The following OPCML variants were observed in gnomAD, a reference collection of about 807,000 sequenced individuals.
OPCML encodes the protein opioid-binding protein/cell adhesion molecule.
A neutral mutation model predicts 37.8 loss-of-function variants in OPCML; 13 were observed. The observed-to-expected ratio is 0.34, with a 90% CI of 0.22 to 0.55. The LOEUF is 0.55. Among genes scored for constraint, OPCML ranks in the 20% least tolerant of loss-of-function variants. OPCML has a pLI of 0.91. For synonymous variants in OPCML, 176 were observed against 168.8 expected, an observed-to-expected ratio of 1.04 and a Z score of -0.33; for missense variants, 341 against 435.6, an observed-to-expected ratio of 0.78 and a Z score of 1.93.
intron 1 of OPCML, among the ~76,000 whole-genome samples, chr11:133,389,664 C>T (rs1945127702): frequency 6.6e-6 from 1 of 151,984 alleles, no homozygotes; most frequent in African/African-American, 2.4e-5. Flanking sequence ...AGGCTTGGAC[C>T]TCAAGTTGAA....
chr11:132,513,487 T>C (rs2096273346), intron 4 of OPCML, among the ~76,000 whole-genome samples: 1 of 152,194 alleles, frequency 6.6e-6, no homozygotes, highest in South Asian at 2.1e-4. Flanking sequence ...AGTGTCATAA[T>C]GGGACCATCA....
chr11:132,964,020 T>C (rs1015360953), intron 1 of OPCML, among the ~76,000 whole-genome samples: 1 of 152,078 alleles, frequency 6.6e-6, no homozygotes. Flanking sequence ...AAGCAGCCAT[T>C]GTGTGCAGGA....
chr11:132,761,669 C>T (rs1946272177), intron 2 of OPCML, among the ~76,000 whole-genome samples: 2 of 152,084 alleles, frequency 1.3e-5, no homozygotes, highest in Admixed American at 6.5e-5. Flanking sequence ...CATCATTTAT[C>T]TTCTTCTCTT....
At chr11:133,511,029 C>T (rs1486112753) in intron 1 of OPCML, among the ~76,000 whole-genome samples, 2 of 152,202 alleles carry the variant, frequency 1.3e-5, no homozygotes, top group Admixed American at 6.5e-5. Context: ...CCCTGTTCCA[C>T]CAATAGAACT....
At chr11:132,934,625 C>T (rs968453318) in intron 2 of OPCML, among the ~76,000 whole-genome samples, 5 of 152,144 alleles carry the variant, frequency 3.3e-5, no homozygotes, top group African/African-American at 1.2e-4. Flanking sequence ...TTTGTTGTTG[C>T]TGTTGCTGTT....
At chr11:133,070,527 G>A (rs1303942172) in intron 1 of OPCML, among the ~76,000 whole-genome samples, 1 of 152,172 alleles carries the variant, frequency 6.6e-6, no homozygotes, top group East Asian at 1.9e-4. Flanking sequence ...GCCTATGGAC[G>A]AAGGGGACTG....
chr11:133,210,824 T>A (rs181534208), intron 1 of OPCML, among the ~76,000 whole-genome samples: 238 of 152,292 alleles, frequency 1.6e-3, no homozygotes, highest in African/African-American at 5.3e-3. Context: ...TTCTCTGAAC[T>A]TGCTCCTTTT....
At chr11:133,478,761 TCTC>T (rs1401080439) in intron 1 of OPCML, among the ~76,000 whole-genome samples, 2 of 152,194 alleles carry the variant, frequency 1.3e-5, no homozygotes, top group East Asian at 3.8e-4. Context: ...CAATTGCATG[TCTC>T]CTCATTTAAC....
At chr11:132,692,857 T>C (rs1009357964) in intron 2 of OPCML, among the ~76,000 whole-genome samples, 9 of 152,364 alleles carry the variant, frequency 5.9e-5, no homozygotes, top group Admixed American at 4.6e-4. Flanking sequence ...AAATTGATCA[T>C]GAACCACCTT....
intron 1 of OPCML, among the ~76,000 whole-genome samples, chr11:133,363,501 T>G (rs1944468084): frequency 6.6e-6 from 1 of 152,232 alleles, no homozygotes; most frequent in Non-Finnish European, 1.5e-5. Context: ...TCTGCTTCTT[T>G]AATACTACTT....
At chr11:133,004,897 C>T in intron 1 of OPCML, 1 of 985,420 alleles carries the variant, frequency 1.0e-6, no homozygotes, top group Non-Finnish European at 1.2e-6. Context: ...CACTGTATCC[C>T]TCACTAGCTT....
At chr11:132,542,859 A>G (rs2096360203) in intron 3 of OPCML, among the ~76,000 whole-genome samples, 1 of 151,910 alleles carries the variant, frequency 6.6e-6, no homozygotes, top group African/African-American at 2.4e-5. Flanking sequence ...CCCTTCTCCC[A>G]CCAGCTTTGT....
intron 1 of OPCML, among the ~76,000 whole-genome samples, chr11:133,260,636 A>G (rs937972042): frequency 6.6e-6 from 1 of 152,164 alleles, no homozygotes; most frequent in Non-Finnish European, 1.5e-5. Context: ...TGGATAATCC[A>G]TTTGAAACCT....
intron 1 of OPCML, among the ~76,000 whole-genome samples, chr11:132,954,903 G>C (rs1701146396): frequency 1.3e-5 from 2 of 152,180 alleles, no homozygotes; most frequent in African/African-American, 4.8e-5. Flanking sequence ...AGAAATCAGG[G>C]AGGAGACCTT....
chr11:132,992,593 G>A (rs557801641), intron 1 of OPCML, among the ~76,000 whole-genome samples: 9 of 152,100 alleles, frequency 5.9e-5, no homozygotes, highest in Non-Finnish European at 1.2e-4. Context: ...TGTGTGTATC[G>A]GGGAGAGGCA....
intron 1 of OPCML, among the ~76,000 whole-genome samples, chr11:133,514,086 G>A (rs1948213536): frequency 6.6e-6 from 1 of 152,180 alleles, no homozygotes; most frequent in Admixed American, 6.5e-5. Flanking sequence ...GGCTGGTCAC[G>A]AAACGAAAAC....
intron 1 of OPCML, among the ~76,000 whole-genome samples, chr11:133,258,335 GA>G (rs1941382474): frequency 6.6e-6 from 1 of 152,180 alleles, no homozygotes; most frequent in Non-Finnish European, 1.5e-5. Context: ...ATCTTGGTAG[GA>G]AAGACTGGCT....
At chr11:132,504,661 C>T (rs929790808) in intron 4 of OPCML, among the ~76,000 whole-genome samples, 3 of 152,012 alleles carry the variant, frequency 2.0e-5, no homozygotes, top group African/African-American at 7.2e-5. Context: ...CACAAGAACT[C>T]TCGGTGTCGT....
At chr11:132,517,629 T>C (rs1474782596) in intron 4 of OPCML, among the ~76,000 whole-genome samples, 1 of 152,196 alleles carries the variant, frequency 6.6e-6, no homozygotes, top group Non-Finnish European at 1.5e-5. Flanking sequence ...ATTTTATCAG[T>C]GTCTGACTGA....
Sources: gnomAD v4.1 joint callset for allele counts (sites outside exome capture counted in the v4.1 genomes callset) on GRCh38, gnomAD v4.1.1 for gene constraint, MANE v1.5 for transcripts, NCBI Gene and HGNC (gene_info 2026-07-23, HGNC 2026-07-21) for gene names.